RNPS1: variants seen among roughly 807,000 people sequenced by gnomAD.
RNPS1 encodes RNA binding protein with serine rich domain 1.
For synonymous variants in RNPS1, 147 were observed against 150.0 expected (o/e 0.98, Z 0.15); for missense variants, 300 against 427.6 (o/e 0.70, Z 2.63).
Position 2,264,335 on chromosome 16 carries a change from G to C in RNPS1, c.72-4C>G. 1.2e-6 allele frequency: 2 copies of C among 1,614,174 alleles called. No individual in the cohort carries two copies. The highest frequency in any genetic ancestry group is 1.7e-6 in the Non-Finnish European group (2 of 1,180,042). On this transcript the variant is annotated splice_polypyrimidine_tract_variant and splice_region_variant and intron_variant, in intron 2 of 7. Coordinates refer to ENST00000320225, the MANE Select transcript of RNPS1 (RefSeq NM_080594.4). ...GCGTTTGGTAGGTGAAGGAGCCCTG[G>C]ATGGTGAGGAAGAGTGTGAGATTGC...
intron 6 of RNPS1, chr16:2,258,774 A>G (rs557802177): frequency 1.3e-5 from 2 of 152,070 alleles, no homozygotes; most frequent in Non-Finnish European, 2.9e-5. Flanking sequence ...GTATGTAAAC[A>G]TGCTGGCTAA....
At chr16:2,262,905 T>C (rs2093609006) in intron 4 of RNPS1, 63 bp from the exon 5 acceptor site, 4 of 1,441,670 alleles carry the variant, frequency 2.8e-6, no homozygotes, top group South Asian at 2.3e-5. Flanking sequence ...TAGACGCCTT[T>C]CGAGTAAGCT....
rs767807083 is a variant in RNPS1 at position 2,255,612 on chromosome 16, C to T, written c.791G>A (p.Arg264His). Reference protein sequence around the residue: ...RRMLPPPPMWRRSPPRMRRRS... With the variant: ...RRMLPPPPMWHRSPPRMRRRS... ...TCTCCTCATCCGTGGGGGAGACCTG[C>T]GCCACATAGGCGGTGGTGGCAACAT... Residue 264 changes from arginine to histidine, a missense_variant, in exon 7 of 8, where the codon CGC becomes CAC. By Grantham distance (29) the Arg-to-His change is conservative (BLOSUM62 0). Transcript: ENST00000320225. The T allele has an allele frequency of 6.9e-6, 11 of 1,601,974 alleles. No homozygotes were observed. The highest frequency in any genetic ancestry group is 6.7e-5 in the East Asian group (3 of 44,812).
rs755489555 is a variant in RNPS1 at position 2,263,249 on chromosome 16, G to C, written c.266C>G (p.Thr89Ser). Residue 89 changes from threonine to serine, a missense_variant, in exon 4 of 8, where the codon ACC becomes AGC. Coordinates refer to ENST00000320225, the MANE Select transcript of RNPS1 (RefSeq NM_080594.4). ...GGAGCCACTGCTTGAGCCAGTGCTG[G>C]TGCTGGAGCCTGAGCTGGAAGTCGA... ...SSSTSSSGSS[T>S]STGSSSGSSS... 7.4e-6 allele frequency: 12 copies of C among 1,613,692 alleles called. No homozygotes were observed. In the East Asian group the frequency reaches 2.5e-4, roughly 33 times the overall value.
At position 2,253,209 on chromosome 16, in the gene RNPS1, G is replaced by A. The variant is rs2093559138; in HGVS notation, c.*755C>T. 1 of 152,440 alleles carries A rather than the reference G, an allele frequency of 6.6e-6. No individual in the cohort carries two copies. The highest frequency in any genetic ancestry group is 2.1e-4 in the South Asian group (1 of 4,822). 9.4% of individuals were successfully genotyped at this position (152,440 alleles called of 1,614,324 possible). A position where few individuals can be genotyped will look rare whatever the true frequency, so the allele number is the denominator to read the frequency against. ...CAATGTCATCTAAAATGCTACAAAG[G>A]TATAAAACTCAAAAGAGAAATTTTA... is the stretch of plus-strand genomic sequence containing the variant. On this transcript the variant is annotated 3_prime_UTR_variant, in exon 8 of 8. Transcript: ENST00000320225.
At chr16:2,261,093 G>A (rs2093601371) in intron 6 of RNPS1, among the ~76,000 whole-genome samples, 1 of 151,306 alleles carries the variant, frequency 6.6e-6, no homozygotes, top group Admixed American at 6.6e-5. Flanking sequence ...TGGTGCTACT[G>A]CACTCCAGCC....
rs761577570 is a variant in RNPS1, at chr16:2,268,078, T to G, written c.-141A>C. On this transcript the variant is annotated 5_prime_UTR_variant, in exon 1 of 8. Transcript: ENST00000320225. The stretch of plus-strand genomic sequence containing the variant: ...ACATCTTCCCGCCGCCGCCACCTCC[T>G]CCTGCTTTCCTCAGCCGCCGAGGCC... 9 of 1,535,330 alleles carry G rather than the reference T, an allele frequency of 5.9e-6. No individual in the cohort carries two copies. Among genetic ancestry groups the G allele is most frequent in the Non-Finnish European group, 5.2e-6 (6 of 1,146,638 alleles).
At position 2,253,989 on chromosome 16, in the gene RNPS1, C is replaced by T. The variant is rs751933749; in HGVS notation, c.893G>A (p.Arg298His). ...TTATCGGGAGGAGTTGGAGCTGGAG[C>T]GGCTCCTGTGGCGGCGGCGGCCCGG... is the stretch of plus-strand genomic sequence containing the variant. ...RSPGRRRHRS[R>H]SSSNSSR is the part of the protein sequence containing the mutation. Residue 298 changes from arginine to histidine, a missense_variant, in exon 8 of 8, where the codon CGC (arginine) becomes CAC (histidine). Transcript: ENST00000320225. 24 of 1,547,150 alleles carry T rather than the reference C, an allele frequency of 1.6e-5. No homozygotes were observed. The highest frequency in any genetic ancestry group is 7.3e-5 in the East Asian group (3 of 41,120).
chr16:2,260,048 C>T (rs1352441938), intron 6 of RNPS1, among the ~76,000 whole-genome samples: 1 of 150,976 alleles, frequency 6.6e-6, no homozygotes, highest in Non-Finnish European at 1.5e-5. Flanking sequence ...AAGCTATCAA[C>T]AATTAAGTAT....
intron 6 of RNPS1, among the ~76,000 whole-genome samples, chr16:2,258,907 G>C (rs1567323338): frequency 6.6e-6 from 1 of 151,996 alleles, no homozygotes; most frequent in Non-Finnish European, 1.5e-5. Context: ...TGGATCACCT[G>C]AGGTCTGGAG....
intron 6 of RNPS1, chr16:2,257,186 G>T (rs1168404018): frequency 6.6e-6 from 1 of 152,250 alleles, no homozygotes; most frequent in African/African-American, 2.4e-5. Flanking sequence ...AACCCCAGGG[G>T]AGCATGCACC....
intron 4 of RNPS1, 82 bp downstream of exon 4, chr16:2,263,014 T>A: frequency 6.8e-7 from 1 of 1,475,676 alleles, no homozygotes; most frequent in Non-Finnish European, 9.3e-7. Context: ...GAAAGACTCC[T>A]TTTGGGTCCC....
Position 2,253,601 on chromosome 16 carries a change from G to A in RNPS1, c.*363C>T, listed in dbSNP as rs903565311. The A allele has an allele frequency of 2.1e-5, 8 of 389,864 alleles. No homozygotes were observed. The highest frequency in any genetic ancestry group is 6.6e-5 in the South Asian group (3 of 45,322). The allele number at this position is 389,864 out of a possible 1,614,324, so 24.2% of individuals were successfully genotyped here. On this transcript the variant is annotated 3_prime_UTR_variant, in exon 8 of 8. Coordinates refer to ENST00000320225, the MANE Select transcript of RNPS1 (RefSeq NM_080594.4). ...CACTGCCCAGCAACAGCAAGGGCAC[G>A]GCCTGGCCACCATCCCAGGTCATCG...
intron 6 of RNPS1, among the ~76,000 whole-genome samples, chr16:2,259,904 A>C (rs150772135): frequency 7.4e-4 from 112 of 152,328 alleles, no homozygotes; most frequent in African/African-American, 2.6e-3. Flanking sequence ...AAAGAAAGGT[A>C]AAGCGTTCAT....
rs534089107 is a variant in RNPS1, at chr16:2,267,561, G to A, written c.-118+494C>T. On this transcript the variant is annotated intron_variant, in intron 1 of 7. Transcript: ENST00000320225. ...ACGTTTGAATTAATGACTCCGAAGGGGGGATCGGCCGACCTTCCACCGCAT... is the reference window on the plus strand; with the variant it reads ...ACGTTTGAATTAATGACTCCGAAGGAGGGATCGGCCGACCTTCCACCGCAT... 3.8e-6 allele frequency: 4 copies of A among 1,053,666 alleles called. No homozygotes were observed. The African/African-American group carries it at 5.2e-5, about 14-fold the overall frequency. 65.3% of individuals were successfully genotyped at this position (1,053,666 alleles called of 1,614,324 possible).
At chr16:2,262,223 C>T in intron 6 of RNPS1, 55 bp downstream of exon 6, 2 of 1,549,814 alleles carry the variant, frequency 1.3e-6, no homozygotes, top group Non-Finnish European at 1.8e-6. Context: ...AGTTTGAAAG[C>T]CCCTCGCGGC....
Position 2,254,060 on chromosome 16 carries a change from G to C in RNPS1, c.822C>G (p.Ser274=), listed in dbSNP as rs922481187. The C allele has an allele frequency of 6.8e-7, 1 of 1,477,064 alleles. No homozygotes were observed. The highest frequency in any genetic ancestry group is 1.4e-5 in the African/African-American group (1 of 70,420). The allele number at this position is 1,477,064 out of a possible 1,614,324, so 91.5% of individuals were successfully genotyped here. Residue 274 remains serine, a synonymous_variant, in exon 8 of 8, where the codon TCC becomes TCG. Coordinates refer to ENST00000320225, the MANE Select transcript of RNPS1 (RefSeq NM_080594.4). ...RRSPPRMRRR[S]RSPRRRSPVR... ...CGGGGGACCTGCGCCTCGGGGAGCGGGACCTGCGGGAAGAGGAGAAACCAC... is the reference window on the plus strand; with the variant it reads ...CGGGGGACCTGCGCCTCGGGGAGCGCGACCTGCGGGAAGAGGAGAAACCAC...
intron 1 of RNPS1, chr16:2,266,382 G>A (rs550764136): frequency 1.1e-4 from 106 of 985,360 alleles, no homozygotes; most frequent in Admixed American, 9.2e-4. Flanking sequence ...TTGTGTCCTC[G>A]GACAATCAGT....
intron 6 of RNPS1, 117 bp downstream of exon 6, chr16:2,262,161 T>G: frequency 9.3e-7 from 1 of 1,076,258 alleles, no homozygotes; most frequent in Non-Finnish European, 1.3e-6. Context: ...GGGCAACAAG[T>G]GTGAAACTCT....
Sources: allele counts gnomAD v4.1 joint callset (sites outside exome capture counted in the v4.1 genomes callset), GRCh38; gene constraint gnomAD v4.1.1; transcripts MANE v1.5; gene names NCBI Gene and HGNC (gene_info 2026-07-23, HGNC 2026-07-21).